The following RBFOX1 variants were observed in gnomAD, a reference collection of about 807,000 sequenced individuals.
RBFOX1 encodes RNA binding protein fox-1 homolog 1.
In RBFOX1, 8 loss-of-function variants were observed where a neutral mutation model predicts 57.7. That is an observed-to-expected ratio of 0.14 (90% CI 0.08 to 0.25). The LOEUF (loss-of-function observed/expected upper bound fraction) is 0.25. RBFOX1 is among the 10% of genes least tolerant of loss of function. The pLI is 1.00. For missense variants in RBFOX1, 611 were observed against 548.5 expected (o/e 1.11, Z -1.14); for synonymous variants, 326 against 222.4 (o/e 1.47, Z -4.15).
At chr16:6,257,197 A>G (rs879121027) in intron 1 of RBFOX1, among the ~76,000 whole-genome samples, 42 of 152,080 alleles carry the variant, frequency 2.8e-4, no homozygotes, top group Admixed American at 6.5e-5. Context: ...GGTTTGCTGC[A>G]CCTATGAACC....
chr16:7,083,064 A>G (rs764533828), intron 4 of RBFOX1, among the ~76,000 whole-genome samples: 4 of 152,140 alleles, frequency 2.6e-5, no homozygotes, highest in East Asian at 3.9e-4. Context: ...GGGAGTGACA[A>G]TAAATAGAAA....
At chr16:6,619,449 A>G (rs980606388) in intron 2 of RBFOX1, among the ~76,000 whole-genome samples, 2 of 152,190 alleles carry the variant, frequency 1.3e-5, no homozygotes, top group African/African-American at 2.4e-5. Flanking sequence ...AACTACATCA[A>G]TTACAGTTCA....
intron 2 of RBFOX1, among the ~76,000 whole-genome samples, chr16:5,551,343 G>A (rs936178578): frequency 1.3e-5 from 2 of 152,164 alleles, no homozygotes; most frequent in Admixed American, 6.5e-5. Context: ...ATACATGTGC[G>A]AGGCTCCCTG....
chr16:7,488,374 T>C (rs1336827882), intron 4 of RBFOX1, among the ~76,000 whole-genome samples: 1 of 152,210 alleles, frequency 6.6e-6, no homozygotes, highest in Non-Finnish European at 1.5e-5. Flanking sequence ...GATATACAAC[T>C]ATGTACAGAT....
Position 7,712,175 on chromosome 16 carries a change from GTTAAC to G in RBFOX1, c.*1435_*1439del, listed in dbSNP as rs2084096834. The G allele has an allele frequency of 6.5e-6, 1 of 152,708 alleles. No individual in the cohort carries two copies. The highest frequency in any genetic ancestry group is 1.5e-5 in the Non-Finnish European group (1 of 68,030). The allele number at this position is 152,708 out of a possible 1,614,324, so 9.5% of individuals were successfully genotyped here. ...ACTTTCCACGTTGTCCTGTTTACAAGTTAACTTAAGTTGGGGTATCCGTCACGGGT... is the reference window on the plus strand; with the variant it reads ...ACTTTCCACGTTGTCCTGTTTACAAGTTAAGTTGGGGTATCCGTCACGGGT... On this transcript the variant is annotated 3_prime_UTR_variant, in exon 16 of 16. Transcript: ENST00000550418.
chr16:7,073,520 T>G (rs1185445514), intron 4 of RBFOX1, among the ~76,000 whole-genome samples: 4 of 152,020 alleles, frequency 2.6e-5, no homozygotes, highest in Non-Finnish European at 5.9e-5. Flanking sequence ...TCCACACAAT[T>G]GAAATGTCCA....
chr16:5,725,100 C>T (rs934064405), intron 3 of RBFOX1, among the ~76,000 whole-genome samples: 6 of 152,112 alleles, frequency 3.9e-5, no homozygotes, highest in African/African-American at 1.2e-4. Context: ...ATCTTTGTCC[C>T]CAGTACTAAT....
At chr16:7,706,699 T>A (rs1032799673) in intron 14 of RBFOX1, among the ~76,000 whole-genome samples, 1 of 152,230 alleles carries the variant, frequency 6.6e-6, no homozygotes, top group African/African-American at 2.4e-5. Flanking sequence ...ATCCTATTTA[T>A]GAAACAGCTT....
At chr16:5,932,170 G>C (rs1369937284) in intron 4 of RBFOX1, among the ~76,000 whole-genome samples, 1 of 152,162 alleles carries the variant, frequency 6.6e-6, no homozygotes, top group Non-Finnish European at 1.5e-5. Context: ...AATCACACCA[G>C]TCCATTAAAA....
rs566117506 is a variant in RBFOX1, at chr16:6,603,828, G to C, written c.-63-50775G>C. ...CGTCCTGCTGTTTGGGTACTTTATA[G>C]ACATAGACAGTTGTCCATGTGACCC... On this transcript the variant is annotated intron_variant, in intron 2 of 15. Transcript: ENST00000550418. Among the ~76,000 whole-genome samples, 40 of 152,216 alleles carry C rather than the reference G, an allele frequency of 2.6e-4. No homozygotes were observed. The South Asian group carries it at 8.3e-3, about 32-fold the overall frequency.
chr16:6,811,488 A>G (rs2154266700), intron 3 of RBFOX1, among the ~76,000 whole-genome samples: 1 of 152,298 alleles, frequency 6.6e-6, no homozygotes, highest in South Asian at 2.1e-4. Context: ...TTTAGGAGTC[A>G]GGGATGTTTA....
intron 1 of RBFOX1, among the ~76,000 whole-genome samples, chr16:5,422,411 A>C (rs1216783487): frequency 1.1e-4 from 11 of 99,446 alleles, no homozygotes. Flanking sequence ...AGGCGTAGGG[A>C]GAGGAAGGAG....
chr16:7,309,314 A>T (rs2096260436), intron 4 of RBFOX1, among the ~76,000 whole-genome samples: 1 of 152,182 alleles, frequency 6.6e-6, no homozygotes. Flanking sequence ...TGGGGAACCT[A>T]TGGAGGGCCG....
Position 6,806,817 on chromosome 16 carries a change from A to AATATATATATAT in RBFOX1, c.-16+152176_-16+152187dup, listed in dbSNP as rs1250190342. ...ATTTATATATATAAATAAATATATA[A>AATATATATATAT]ATATATATATATATATATATTTTTT... On this transcript the variant is annotated intron_variant, in intron 3 of 15. Transcript: ENST00000550418. Among the ~76,000 whole-genome samples, 104 of 85,072 alleles carry AATATATATATAT rather than the reference A, an allele frequency of 1.2e-3. 1 individual carries two copies. Among genetic ancestry groups the AATATATATATAT allele is most frequent in the Admixed American group, 1.5e-3 (10 of 6,738 alleles). The allele number at this position is 85,072 out of a possible 152,430, so 55.8% of individuals were successfully genotyped here. A position where few individuals can be genotyped will look rare whatever the true frequency, so the allele number is the denominator to read the frequency against.
At chr16:6,095,146 A>G (rs947731004) in intron 1 of RBFOX1, among the ~76,000 whole-genome samples, 2 of 152,218 alleles carry the variant, frequency 1.3e-5, no homozygotes. Context: ...TACATATATC[A>G]TCATCCTCAG....
intron 1 of RBFOX1, among the ~76,000 whole-genome samples, chr16:6,087,585 A>C (rs1343657880): frequency 6.6e-6 from 1 of 152,176 alleles, no homozygotes; most frequent in African/African-American, 2.4e-5. Flanking sequence ...AATACTTTAA[A>C]TAACTATATA....
intron 14 of RBFOX1, 132 bp from the exon 15 acceptor site, chr16:7,708,924 A>G (rs2083378143): frequency 9.4e-6 from 7 of 741,298 alleles, no homozygotes; most frequent in African/African-American, 1.7e-5. Context: ...ACTACACAGC[A>G]GAGTAGAATT....
At chr16:5,426,367 A>G (rs925846296) in intron 1 of RBFOX1, among the ~76,000 whole-genome samples, 3 of 152,198 alleles carry the variant, frequency 2.0e-5, no homozygotes, top group Non-Finnish European at 4.4e-5. Context: ...TTGGAAATGA[A>G]TAAATAATTT....
intron 4 of RBFOX1, among the ~76,000 whole-genome samples, chr16:5,869,086 G>C (rs2057406533): frequency 6.6e-6 from 1 of 152,190 alleles, no homozygotes; most frequent in Non-Finnish European, 1.5e-5. Context: ...GAGGTATAGA[G>C]TTGGAATTCA....
Sources: allele counts gnomAD v4.1 joint callset (sites outside exome capture counted in the v4.1 genomes callset), GRCh38; gene constraint gnomAD v4.1.1; transcripts MANE v1.5; gene names NCBI Gene and HGNC (gene_info 2026-07-23, HGNC 2026-07-21).